The following ADGRB3 variants were observed in gnomAD, a reference collection of about 807,000 sequenced individuals.
ADGRB3 encodes adhesion G protein-coupled receptor B3, also known as brain-specific angiogenesis inhibitor 3.
In ADGRB3, 37 loss-of-function variants were observed where a neutral mutation model predicts 193.4. The ratio of observed to expected loss-of-function variants is 0.19; its 90% confidence interval spans 0.15 to 0.25. ADGRB3 has a LOEUF of 0.25. ADGRB3 is among the 10% of genes least tolerant of loss of function. The probability of loss-of-function intolerance (pLI) is 1.00; values close to 1 mark genes in which losing one functional copy is unlikely to be tolerated. For synonymous variants in ADGRB3, 690 were observed against 644.2 expected (o/e 1.07, Z -1.08); for missense variants, 1,637 against 1,852.9 (o/e 0.88, Z 2.14).
At position 68,922,063 on chromosome 6, in the gene ADGRB3, C is replaced by A. The variant is rs79922727; in HGVS notation, c.758-8496C>A. Among the ~76,000 whole-genome samples the A allele has an allele frequency of 3.0e-3, 455 of 152,276 alleles. 8 individuals carry two copies. In the East Asian group the frequency reaches 0.05, roughly 17 times the overall value. ...GAAATGTATATATAACTACTGCTAA[C>A]CTTCCTAAAGCACTGGCTTGTTAAT... is the stretch of plus-strand genomic sequence containing the variant. On this transcript the variant is annotated intron_variant, in intron 3 of 31. Coordinates refer to ENST00000370598, the MANE Select transcript of ADGRB3 (RefSeq NM_001704.3).
At chr6:68,817,840 T>A (rs557194482) in intron 3 of ADGRB3, among the ~76,000 whole-genome samples, 2 of 152,124 alleles carry the variant, frequency 1.3e-5, no homozygotes, top group Admixed American at 6.6e-5. Flanking sequence ...TGAGAAAAAA[T>A]TAATGATCTC....
At position 69,193,875 on chromosome 6, in the gene ADGRB3, CTGGTAGAAAA is replaced by C. The variant is rs1765247157; in HGVS notation, c.2481-39414_2481-39405del. The stretch of plus-strand genomic sequence containing the variant: ...TGAACCATGAAAACCCAGGTCAAAT[CTGGTAGAAAA>C]AAACAAAATAAAGCCAGGGCAAAAA... On this transcript the variant is annotated intron_variant, in intron 17 of 31. Coordinates refer to ENST00000370598, the MANE Select transcript of ADGRB3 (RefSeq NM_001704.3). 2.0e-5 allele frequency among the ~76,000 whole-genome samples: 3 copies of C among 148,730 alleles called. No homozygotes were observed. The Admixed American group carries it at 2.0e-4, about 10-fold the overall frequency.
chr6:68,932,552 T>C (rs570538793), intron 4 of ADGRB3, among the ~76,000 whole-genome samples: 1 of 152,092 alleles, frequency 6.6e-6, no homozygotes, highest in Non-Finnish European at 1.5e-5. Context: ...CAGAAGACAA[T>C]TATAATGTGA....
At chr6:69,209,977 C>T (rs1765621942) in intron 17 of ADGRB3, among the ~76,000 whole-genome samples, 1 of 151,078 alleles carries the variant, frequency 6.6e-6, no homozygotes, top group Non-Finnish European at 1.5e-5. Context: ...GCAGCCAACT[C>T]CAGAAACCCC....
At chr6:68,696,388 T>C (rs1157085164) in intron 3 of ADGRB3, among the ~76,000 whole-genome samples, 1 of 151,686 alleles carries the variant, frequency 6.6e-6, no homozygotes. Flanking sequence ...TAGTTTCCTG[T>C]ATTTTTGAAA....
intron 20 of ADGRB3, among the ~76,000 whole-genome samples, chr6:69,254,440 A>G (rs896615201): frequency 1.3e-5 from 2 of 152,082 alleles, no homozygotes; most frequent in African/African-American, 2.4e-5. Context: ...TCTATTATGT[A>G]TAATTTGTGT....
chr6:69,306,474 T>A (rs1310976715), intron 20 of ADGRB3, among the ~76,000 whole-genome samples: 7 of 151,386 alleles, frequency 4.6e-5, no homozygotes, highest in African/African-American at 1.7e-4. Context: ...CTAGGCACAA[T>A]AACACATAGA....
intron 17 of ADGRB3, among the ~76,000 whole-genome samples, chr6:69,142,210 C>A (rs996355999): frequency 1.3e-5 from 2 of 151,720 alleles, no homozygotes; most frequent in Admixed American, 6.6e-5. Flanking sequence ...AATATAATAT[C>A]TTTAGTTAGA....
intron 3 of ADGRB3, among the ~76,000 whole-genome samples, chr6:68,813,855 C>T (rs1240489641): frequency 6.6e-6 from 1 of 152,104 alleles, no homozygotes; most frequent in Non-Finnish European, 1.5e-5. Flanking sequence ...TGGTTTCCAG[C>T]TTCATCTATG....
At chr6:69,177,342 T>C (rs1490413632) in intron 17 of ADGRB3, among the ~76,000 whole-genome samples, 1 of 151,496 alleles carries the variant, frequency 6.6e-6, no homozygotes, top group Non-Finnish European at 1.5e-5. Context: ...TTTTTCTTTA[T>C]TTCAAAGATT....
chr6:69,319,988 G>T (rs1198305546), intron 20 of ADGRB3, among the ~76,000 whole-genome samples: 2 of 151,108 alleles, frequency 1.3e-5, no homozygotes, highest in Non-Finnish European at 3.0e-5. Context: ...CTAGTTTGTT[G>T]TCCTCTTGCT....
intron 17 of ADGRB3, among the ~76,000 whole-genome samples, chr6:69,223,223 G>A (rs753055691): frequency 6.6e-6 from 1 of 152,252 alleles, no homozygotes; most frequent in East Asian, 1.9e-4. Flanking sequence ...CATTTTGTAT[G>A]TAGGCAATGA....
chr6:69,255,624 T>A (rs1216618442), intron 20 of ADGRB3, among the ~76,000 whole-genome samples: 1 of 152,212 alleles, frequency 6.6e-6, no homozygotes, highest in Admixed American at 6.5e-5. Flanking sequence ...ATGAGTAGGT[T>A]GCAAAAATTT....
chr6:68,820,921 A>G (rs993045570), intron 3 of ADGRB3, among the ~76,000 whole-genome samples: 7 of 152,068 alleles, frequency 4.6e-5, no homozygotes, highest in Admixed American at 4.6e-4. Context: ...TCAAAAAGTC[A>G]TATACACTGT....
intron 13 of ADGRB3, among the ~76,000 whole-genome samples, chr6:69,038,739 A>G (rs1433340860): frequency 6.6e-5 from 10 of 152,238 alleles, no homozygotes. Flanking sequence ...TAAGCATTCA[A>G]TAGATAACAA....
intron 3 of ADGRB3, among the ~76,000 whole-genome samples, chr6:68,676,382 T>TCTCC (rs1223082332): frequency 8.2e-6 from 1 of 122,636 alleles, no homozygotes; most frequent in East Asian, 2.4e-4. Context: ...AGAGAGAGAC[T>TCTCC]CTGTCTCAAA....
chr6:69,358,455 A>T (rs1409543853), intron 28 of ADGRB3, among the ~76,000 whole-genome samples: 1 of 151,814 alleles, frequency 6.6e-6, no homozygotes, highest in Non-Finnish European at 1.5e-5. Context: ...GTATGCTGGG[A>T]TTTAGCATCC....
chr6:69,190,328 G>A (rs1218817541), intron 17 of ADGRB3, among the ~76,000 whole-genome samples: 2 of 151,662 alleles, frequency 1.3e-5, no homozygotes, highest in East Asian at 3.9e-4. Context: ...CCCGACCCTG[G>A]GTAGGCTTAG....
intron 17 of ADGRB3, among the ~76,000 whole-genome samples, chr6:69,104,464 C>A (rs1240641597): frequency 6.6e-6 from 1 of 151,782 alleles, no homozygotes; most frequent in Admixed American, 6.6e-5. Context: ...GGTTCCAAGT[C>A]TTTGCTATTG....
Sources: allele counts gnomAD v4.1 joint callset (sites outside exome capture counted in the v4.1 genomes callset), GRCh38; gene constraint gnomAD v4.1.1; transcripts MANE v1.5; gene names NCBI Gene and HGNC (gene_info 2026-07-23, HGNC 2026-07-21).